Variants in TAF3 observed in about 807,000 individuals in gnomAD.
The protein encoded by TAF3 is transcription initiation factor TFIID subunit 3.
TAF3 carries 7 observed loss-of-function variants against 80.6 expected under a neutral mutation model. That is an observed-to-expected ratio of 0.09 (90% CI 0.05 to 0.16). The LOEUF is 0.16. Among genes scored for constraint, TAF3 ranks in the 10% least tolerant of loss-of-function variants. The pLI, the probability that TAF3 is intolerant of heterozygous loss-of-function variation, is 1.00. For missense variants in TAF3, 921 were observed against 1,140.2 expected, an observed-to-expected ratio of 0.81 and a Z score of 2.77; for synonymous variants, 444 against 446.1, an observed-to-expected ratio of 1.00 and a Z score of 0.06.
chr10:7,880,296 C>G (rs1837348494), intron 2 of TAF3, among the ~76,000 whole-genome samples: 2 of 152,120 alleles, frequency 1.3e-5, no homozygotes, highest in African/African-American at 4.8e-5. Flanking sequence ...GGGGAAATAA[C>G]TTTGATTTAT....
intron 2 of TAF3, among the ~76,000 whole-genome samples, chr10:7,942,270 A>G (rs1837983352): frequency 6.6e-6 from 1 of 152,264 alleles, no homozygotes; most frequent in South Asian, 2.1e-4. Flanking sequence ...GAATGAGTAT[A>G]TAAATATTAC....
chr10:7,959,988 G>C (rs1001109908), intron 2 of TAF3, among the ~76,000 whole-genome samples: 8 of 152,126 alleles, frequency 5.3e-5, no homozygotes, highest in Non-Finnish European at 1.2e-4. Flanking sequence ...GGCCTTCCCT[G>C]GAGAACACAC....
rs964342916 is a variant in TAF3, at chr10:7,913,296, G to A, written c.410-50624G>A. ...GACATGATTGAGTTCATAGCAGATGGCAGTGAAAAGGAAACCAGGGTTTCT... is the reference window on the plus strand; with the variant it reads ...GACATGATTGAGTTCATAGCAGATGACAGTGAAAAGGAAACCAGGGTTTCT... On this transcript the variant is annotated intron_variant, in intron 2 of 6. Coordinates refer to ENST00000344293, the MANE Select transcript of TAF3 (RefSeq NM_031923.4). Among the ~76,000 whole-genome samples the A allele has an allele frequency of 2.6e-5, 4 of 152,262 alleles. No individual in the cohort carries two copies. The East Asian group carries it at 5.8e-4, about 22-fold the overall frequency.
intron 2 of TAF3, among the ~76,000 whole-genome samples, chr10:7,852,978 G>T: frequency 6.6e-6 from 1 of 152,076 alleles, no homozygotes; most frequent in East Asian, 1.9e-4. Flanking sequence ...TGATCTCATG[G>T]ATTTAAACAG....
intron 2 of TAF3, among the ~76,000 whole-genome samples, chr10:7,862,651 A>G (rs1837159376): frequency 6.6e-6 from 1 of 152,212 alleles, no homozygotes; most frequent in South Asian, 2.1e-4. Flanking sequence ...AAGTTACCTT[A>G]AGCCTTTTGC....
At chr10:7,979,423 G>C (rs1335492303) in intron 4 of TAF3, among the ~76,000 whole-genome samples, 1 of 150,016 alleles carries the variant, frequency 6.7e-6, no homozygotes, top group Non-Finnish European at 1.5e-5. Flanking sequence ...GCATCTTTCA[G>C]TCATTCTGTT....
At chr10:7,885,562 G>A (rs1348683907) in intron 2 of TAF3, among the ~76,000 whole-genome samples, 1 of 152,114 alleles carries the variant, frequency 6.6e-6, no homozygotes, top group Non-Finnish European at 1.5e-5. Context: ...TAGGCAACCA[G>A]TCTCATTAGT....
rs1203113975 is a variant in TAF3, at chr10:7,965,456, C to T, written c.1946C>T (p.Ala649Val). The T allele has an allele frequency of 1.2e-6, 2 of 1,613,242 alleles. No individual in the cohort carries two copies. Among genetic ancestry groups the T allele is most frequent in the East Asian group, 2.2e-5 (1 of 44,858 alleles). Reference protein sequence around the residue: ...KDKGREDKMKAPAPPLVLPPK... With the variant: ...KDKGREDKMKVPAPPLVLPPK... ...AAAGGCAGAGAAGATAAGATGAAAG[C>T]CCCAGCACCCCCACTGGTGTTGCCC... The change falls in exon 3 of 7, where the codon GCC (alanine) becomes GTC (valine). Residue 649 changes from alanine to valine, a missense_variant. Physicochemically the swap from Ala to Val is moderately conservative, Grantham distance 64. Around this residue, in one of 6 missense-constraint regions of TAF3, gnomAD observed 743 missense variants for 821.0 expected, o/e 0.90. Transcript: ENST00000344293.
chr10:7,870,462 G>T (rs555943515), intron 2 of TAF3, among the ~76,000 whole-genome samples: 1 of 152,216 alleles, frequency 6.6e-6, no homozygotes, highest in East Asian at 1.9e-4. Context: ...ATTTACGTGA[G>T]TGTTGCCTGA....
At chr10:7,955,615 T>C (rs1838127421) in intron 2 of TAF3, among the ~76,000 whole-genome samples, 1 of 152,244 alleles carries the variant, frequency 6.6e-6, no homozygotes, top group African/African-American at 2.4e-5. Flanking sequence ...CTAATGTCTA[T>C]GAACTTTTTA....
At chr10:7,869,418 C>G (rs557318885) in intron 2 of TAF3, among the ~76,000 whole-genome samples, 18 of 152,262 alleles carry the variant, frequency 1.2e-4, no homozygotes, top group African/African-American at 4.3e-4. Context: ...GGTTTTCTCC[C>G]CAGCTTATTT....
intron 2 of TAF3, among the ~76,000 whole-genome samples, chr10:7,919,620 C>T (rs1158704175): frequency 6.6e-6 from 1 of 152,078 alleles, no homozygotes; most frequent in African/African-American, 2.4e-5. Context: ...TGCTCAAGTC[C>T]CTTATGTAAA....
chr10:8,009,017 C>G lies in TAF3; in HGVS notation c.2316-61C>G. 6.5e-7 allele frequency: 1 copy of G among 1,549,342 alleles called. No individual in the cohort carries two copies. On this transcript the variant is annotated intron_variant, in intron 4 of 6. Coordinates refer to ENST00000344293, the MANE Select transcript of TAF3 (RefSeq NM_031923.4). This position sits in a 1 kb window ranked among gnomAD's most constrained non-coding sequence, Gnocchi z 4.1. ...GCTATTTTACGATCATGTTTTTAAG[C>G]ACGGGTTTGGTTCGATGATGATCCT...
intron 4 of TAF3, among the ~76,000 whole-genome samples, chr10:7,979,227 C>T (rs184456692): frequency 2.4e-4 from 36 of 151,864 alleles, no homozygotes; most frequent in Middle Eastern, 3.4e-3. Context: ...GCCTGTAGTC[C>T]CAGCTACTTG....
intron 2 of TAF3, among the ~76,000 whole-genome samples, chr10:7,953,658 C>T (rs1008131832): frequency 3.3e-5 from 5 of 152,208 alleles, no homozygotes; most frequent in Admixed American, 6.5e-5. Context: ...TCCTGCCTAC[C>T]GTGTGAACTG....
intron 2 of TAF3, among the ~76,000 whole-genome samples, chr10:7,918,779 A>G (rs562474963): frequency 6.6e-6 from 1 of 152,310 alleles, no homozygotes; most frequent in East Asian, 1.9e-4. Flanking sequence ...AGAAGTGGAG[A>G]GAACAGTAAA....
At chr10:7,899,229 C>T (rs1030118940) in intron 2 of TAF3, among the ~76,000 whole-genome samples, 9 of 152,190 alleles carry the variant, frequency 5.9e-5, no homozygotes, top group African/African-American at 1.9e-4. Flanking sequence ...GATCTGGAGC[C>T]GTTCTCATTC....
Position 7,846,596 on chromosome 10 carries a change from A to G in TAF3, c.409+22036A>G, listed in dbSNP as rs536653119. 7.9e-5 allele frequency among the ~76,000 whole-genome samples: 11 copies of G among 138,476 alleles called. No individual in the cohort carries two copies. In the East Asian group the frequency reaches 2.2e-3, roughly 28 times the overall value. The allele number at this position is 138,476 out of a possible 152,430, so 90.8% of individuals were successfully genotyped here. Reference sequence around the variant, plus strand: ...AAAAGATTGGCATTTCATGATTTTTATTCTTTCCTAGAGGCTAACAAAAAA... The same window carrying G: ...AAAAGATTGGCATTTCATGATTTTTGTTCTTTCCTAGAGGCTAACAAAAAA... On this transcript the variant is annotated intron_variant, in intron 2 of 6. Transcript: ENST00000344293.
intron 2 of TAF3, among the ~76,000 whole-genome samples, chr10:7,928,815 A>G (rs1837840617): frequency 6.6e-6 from 1 of 152,136 alleles, no homozygotes; most frequent in Non-Finnish European, 1.5e-5. Flanking sequence ...TCAGAGAGCT[A>G]TATTCTGAAA....
Sources: gnomAD v4.1 joint callset for allele counts (sites outside exome capture counted in the v4.1 genomes callset) on GRCh38, gnomAD v4.1.1 for gene constraint, gnomAD v4.1.1 regional missense constraint, Gnocchi (gnomAD v3.1) non-coding constraint, MANE v1.5 for transcripts, NCBI Gene and HGNC (gene_info 2026-07-23, HGNC 2026-07-21) for gene names.